UQCC5: variants seen among roughly 807,000 people sequenced by gnomAD.
UQCC5 encodes ubiquinol-cytochrome c reductase complex assembly factor 5, also known as UPF0640 protein C3orf78.
At chr3:52,538,467 T>A in the UQCC5 span, among the ~76,000 whole-genome samples, 5 of 152,322 alleles carry the variant, frequency 3.3e-5, no homozygotes, top group South Asian at 2.1e-4. Flanking sequence ...TAATTTAATT[T>A]ATTTATTTTT....
At chr3:52,536,719 A>G in the UQCC5 span, 2 of 1,550,928 alleles carry the variant, frequency 1.3e-6, no homozygotes, top group Non-Finnish European at 1.7e-6. Context: ...TCCAGTGCTT[A>G]GTTCCGTCAT....
chr3:52,540,385 T>G, the UQCC5 span: 1 of 1,401,148 alleles, frequency 7.1e-7, no homozygotes, highest in Non-Finnish European at 9.6e-7. Context: ...ATTTTAAATA[T>G]GTTTCTTAAA....
At chr3:52,537,324 G>A in the UQCC5 span, among the ~76,000 whole-genome samples, 1 of 152,206 alleles carries the variant, frequency 6.6e-6, no homozygotes, top group Non-Finnish European at 1.5e-5. Context: ...GCCTGGCTTT[G>A]CTAATTACCA....
At chr3:52,540,465 A>G in the UQCC5 span, 1 of 1,532,696 alleles carries the variant, frequency 6.5e-7, no homozygotes, top group Non-Finnish European at 8.8e-7. Flanking sequence ...ACAGTATCAG[A>G]GAAGGCTGGA....
the UQCC5 span, chr3:52,540,469 G>A: frequency 6.5e-7 from 1 of 1,532,252 alleles, no homozygotes; most frequent in Admixed American, 2.3e-5. Flanking sequence ...TATCAGAGAA[G>A]GCTGGAAGAT....
the UQCC5 span, among the ~76,000 whole-genome samples, chr3:52,538,883 C>T: frequency 6.6e-6 from 1 of 152,228 alleles, no homozygotes; most frequent in South Asian, 2.1e-4. Flanking sequence ...GGGAGGTAAC[C>T]CCCCTTCCTC....
At chr3:52,541,251 G>T in the UQCC5 span, 1 of 152,050 alleles carries the variant, frequency 6.6e-6, no homozygotes, top group East Asian at 1.9e-4. Context: ...CTGACCCAGT[G>T]TAAGTTTGGA....
the UQCC5 span, among the ~76,000 whole-genome samples, chr3:52,540,141 G>T: frequency 3.3e-5 from 5 of 152,194 alleles, no homozygotes; most frequent in Admixed American, 3.3e-4. Context: ...TAGAAATTAT[G>T]GGGGAGAAGG....
the UQCC5 span, among the ~76,000 whole-genome samples, chr3:52,539,194 A>G: frequency 6.6e-6 from 1 of 152,160 alleles, no homozygotes; most frequent in Non-Finnish European, 1.5e-5. Context: ...AGGGTGAAGC[A>G]TGGGGAAGGG....
chr3:52,536,782 G>A, the UQCC5 span: 7 of 1,551,878 alleles, frequency 4.5e-6, no homozygotes, highest in Non-Finnish European at 5.2e-6. Flanking sequence ...AGGTGAGACG[G>A]ATTCTGCAGC....
chr3:52,540,687 T>G, the UQCC5 span: 1 of 455,766 alleles, frequency 2.2e-6, no homozygotes, highest in East Asian at 3.7e-5. Flanking sequence ...TGGACAGCAC[T>G]TGTGGGAAAA....
the UQCC5 span, chr3:52,541,241 C>T: frequency 2.0e-5 from 3 of 152,172 alleles, no homozygotes; most frequent in African/African-American, 7.2e-5. Context: ...ATTTGGCAAT[C>T]TGACCCAGTG....
chr3:52,540,654 TTGAG>T, the UQCC5 span: 11 of 549,044 alleles, frequency 2.0e-5, no homozygotes, highest in South Asian at 2.6e-4. Context: ...CTGTCTCTGC[TTGAG>T]TACTTCCCAA....
At chr3:52,539,505 G>A in the UQCC5 span, among the ~76,000 whole-genome samples, 1 of 152,310 alleles carries the variant, frequency 6.6e-6, no homozygotes, top group East Asian at 1.9e-4. Context: ...TGGTATCTGG[G>A]GAGAAGGCAC....
At chr3:52,541,292 C>T in the UQCC5 span, 1 of 152,150 alleles carries the variant, frequency 6.6e-6, no homozygotes, top group African/African-American at 2.4e-5. Context: ...GATACCTTTC[C>T]ATGCTTGCAT....
At chr3:52,539,673 C>T in the UQCC5 span, among the ~76,000 whole-genome samples, 1 of 147,232 alleles carries the variant, frequency 6.8e-6, no homozygotes, top group Non-Finnish European at 1.5e-5. Flanking sequence ...GAGTCTTGGT[C>T]TGTCACCCAG....
chr3:52,540,368 T>G, the UQCC5 span: 1 of 1,266,184 alleles, frequency 7.9e-7, no homozygotes, highest in Non-Finnish European at 1.1e-6. Context: ...TTATTCAGAT[T>G]GTTTTAATTT....
At chr3:52,538,511 G>T in the UQCC5 span, among the ~76,000 whole-genome samples, 1 of 152,138 alleles carries the variant, frequency 6.6e-6, no homozygotes, top group Non-Finnish European at 1.5e-5. Flanking sequence ...GCCCAGGCTG[G>T]AGTGCAGTGG....
At chr3:52,537,336 T>C in the UQCC5 span, among the ~76,000 whole-genome samples, 1 of 152,212 alleles carries the variant, frequency 6.6e-6, no homozygotes, top group African/African-American at 2.4e-5. Flanking sequence ...TAATTACCAC[T>C]ACCTTTACAG....
Sources: allele counts gnomAD v4.1 joint callset (sites outside exome capture counted in the v4.1 genomes callset), GRCh38; gene constraint gnomAD v4.1.1; transcripts MANE v1.5; gene names NCBI Gene and HGNC (gene_info 2026-07-23, HGNC 2026-07-21).